Variants in MED23 observed in about 807,000 individuals in gnomAD.
MED23 encodes mediator of RNA polymerase II transcription subunit 23.
Under a neutral mutation model 163.9 loss-of-function variants are expected in MED23, and 105 were observed. The ratio of observed to expected loss-of-function variants is 0.64; its 90% confidence interval spans 0.55 to 0.75. MED23 has a LOEUF of 0.75. Ranked by LOEUF, MED23 falls within the 30% of genes least tolerant of loss-of-function variation. The pLI is 0.00. For synonymous variants in MED23, 561 were observed against 565.6 expected, an observed-to-expected ratio of 0.99 and a Z score of 0.12; for missense variants, 1,054 against 1,649.0, an observed-to-expected ratio of 0.64 and a Z score of 6.25.
At chr6:131,602,445 G>T in intron 16 of MED23, 64 bp from the exon 17 acceptor site, 1 of 1,437,972 alleles carries the variant, frequency 7.0e-7, no homozygotes, top group Non-Finnish European at 9.6e-7. Context: ...TAAATCTAAG[G>T]TTAATTACAA....
At position 131,600,076 on chromosome 6, in the gene MED23, C is replaced by A; in HGVS notation, c.2182G>T (p.Ala728Ser). 1 of 1,613,912 alleles carries A rather than the reference C, an allele frequency of 6.2e-7. No individual in the cohort carries two copies. The highest frequency in any genetic ancestry group is 8.5e-7 in the Non-Finnish European group (1 of 1,179,922). The part of the protein sequence containing the change: ...TIMSFTPHNW[A>S]SHTLSCFPGP... ...GGAAAACAGCTCAGGGTGTGTGAAG[C>A]CCAATTATGAGGAGTGAAACTCATG... Residue 728 changes from alanine to serine, a missense_variant, in exon 18 of 29, where the codon GCT becomes TCT. Physicochemically the swap from Ala to Ser is moderately conservative, Grantham distance 99. Transcript: ENST00000368068.
chr6:131,583,044 AATTTCTCTTT>A, downstream of MED23: 1 of 1,569,634 alleles, frequency 6.4e-7, no homozygotes, highest in Non-Finnish European at 8.7e-7. Flanking sequence ...TAATTATCTT[AATTTCTCTTT>A]TATAGCTACA....
At chr6:131,613,217 T>TA (rs997308233) in intron 10 of MED23, among the ~76,000 whole-genome samples, 1 of 152,160 alleles carries the variant, frequency 6.6e-6, no homozygotes, top group African/African-American at 2.4e-5. Flanking sequence ...TTGAGGAGTG[T>TA]ATCTGTTTTG....
chr6:131,601,922 T>C (rs769755593), intron 17 of MED23, among the ~76,000 whole-genome samples: 1 of 152,036 alleles, frequency 6.6e-6, no homozygotes, highest in Non-Finnish European at 1.5e-5. Flanking sequence ...AGAAACTCTT[T>C]GGGAATTTCA....
downstream of MED23, chr6:131,584,104 C>G (rs1021313033): frequency 1.6e-6 from 1 of 622,704 alleles, no homozygotes; most frequent in Non-Finnish European, 2.7e-6. Context: ...AATTTAAAAG[C>G]TTATATTTTC....
chr6:131,610,504 T>C (rs1208124996), intron 10 of MED23, among the ~76,000 whole-genome samples: 1 of 152,200 alleles, frequency 6.6e-6, no homozygotes, highest in Admixed American at 6.5e-5. Context: ...ATGGACATCA[T>C]TGTTTCAATT....
chr6:131,583,010 G>T, downstream of MED23: 1 of 1,323,094 alleles, frequency 7.6e-7, no homozygotes, highest in South Asian at 1.2e-5. Flanking sequence ...GGAGACAGGC[G>T]GGCACAGTCA....
chr6:131,588,614 T>C (rs1403603512), intron 28 of MED23, among the ~76,000 whole-genome samples: 1 of 152,184 alleles, frequency 6.6e-6, no homozygotes, highest in Non-Finnish European at 1.5e-5. Context: ...ACAGGTCAAC[T>C]CTCTTTGACA....
At chr6:131,589,732 C>T (rs1774448614) in intron 27 of MED23, 136 bp from the exon 28 acceptor site, 4 of 773,926 alleles carry the variant, frequency 5.2e-6, no homozygotes, top group South Asian at 1.5e-5. Flanking sequence ...ACCATATACA[C>T]CTCTATGCAC....
chr6:131,602,188 T>C, intron 17 of MED23, 30 bp downstream of exon 17: 1 of 1,605,718 alleles, frequency 6.2e-7, no homozygotes, highest in Non-Finnish European at 8.5e-7. Context: ...AATTCATCTG[T>C]TGTTGTTTGT....
At position 131,592,559 on chromosome 6, in the gene MED23, A is replaced by G. The variant is rs1286452818; in HGVS notation, c.3399-99T>C. On this transcript the variant is annotated intron_variant, in intron 24 of 28. Coordinates refer to ENST00000368068, the MANE Select transcript of MED23 (RefSeq NM_004830.4). ...TTAAAGAATATGTCTAATTCAGAGG[A>G]TCGACAACTAATCCATTTCAATAAA... 3.0e-6 allele frequency: 3 copies of G among 986,302 alleles called. No individual in the cohort carries two copies. The African/African-American group carries it at 4.8e-5, about 16-fold the overall frequency. 61.1% of individuals were successfully genotyped at this position (986,302 alleles called of 1,614,324 possible).
chr6:131,585,824 T>C (rs891002732), downstream of MED23, among the ~76,000 whole-genome samples: 2 of 152,238 alleles, frequency 1.3e-5, no homozygotes, highest in Admixed American at 1.3e-4. Flanking sequence ...TAAAAACATA[T>C]TTAAAAGCCT....
chr6:131,575,675 T>C (rs934016253), intron 30 of MED23, among the ~76,000 whole-genome samples: 7 of 152,146 alleles, frequency 4.6e-5, no homozygotes, highest in Non-Finnish European at 8.8e-5. Context: ...TCTGACAACA[T>C]GTAATAATCT....
chr6:131,589,715 G>T, intron 27 of MED23, 119 bp from the exon 28 acceptor site: 1 of 896,644 alleles, frequency 1.1e-6, no homozygotes. Flanking sequence ...CTGTAGAACT[G>T]TCATATACCA....
chr6:131,618,549 A>G, intron 8 of MED23, 30 bp from the exon 9 acceptor site: 1 of 1,378,518 alleles, frequency 7.3e-7, no homozygotes, highest in Non-Finnish European at 1.0e-6. Context: ...GTTTTTAAGT[A>G]AATGTGAACA....
At chr6:131,615,503 CAAAAA>C (rs917020235) in intron 10 of MED23, among the ~76,000 whole-genome samples, 3 of 14,148 alleles carry the variant, frequency 2.1e-4, no homozygotes, top group African/African-American at 6.1e-4. Flanking sequence ...AAACACACAC[CAAAAA>C]AAAAAAAAAA....
chr6:131,615,310 G>C (rs771334344), intron 10 of MED23: 1 of 1,611,174 alleles, frequency 6.2e-7, no homozygotes, highest in Non-Finnish European at 8.5e-7. Context: ...ACAACAGTAA[G>C]GTTGTGAACA....
intron 28 of MED23, among the ~76,000 whole-genome samples, chr6:131,588,598 G>C (rs1264072297): frequency 6.6e-6 from 1 of 152,116 alleles, no homozygotes; most frequent in Non-Finnish European, 1.5e-5. Flanking sequence ...TCTTACATGA[G>C]AGAGAACAGG....
chr6:131,626,084 T>G (rs1454631457), intron 3 of MED23, among the ~76,000 whole-genome samples: 2 of 136,828 alleles, frequency 1.5e-5, no homozygotes, highest in Non-Finnish European at 3.1e-5. Context: ...ATCACGCCAC[T>G]GCACTCTAGC....
Sources: gnomAD v4.1 joint callset for allele counts (sites outside exome capture counted in the v4.1 genomes callset) on GRCh38, gnomAD v4.1.1 for gene constraint, MANE v1.5 for transcripts, NCBI Gene and HGNC (gene_info 2026-07-23, HGNC 2026-07-21) for gene names.